CHRDL1: variants seen among roughly 807,000 people sequenced by gnomAD.
CHRDL1 encodes chordin like 1, also known as chordin-like protein 1.
In CHRDL1, 19 loss-of-function variants were observed where a neutral mutation model predicts 40.9. The ratio of observed to expected loss-of-function variants is 0.46; its 90% confidence interval spans 0.32 to 0.68. CHRDL1 has a LOEUF of 0.68. Among genes scored for constraint, CHRDL1 ranks in the 30% least tolerant of loss-of-function variants. The pLI, the probability that CHRDL1 is intolerant of heterozygous loss-of-function variation, is 0.03. For missense variants in CHRDL1, 329 were observed against 352.1 expected (o/e 0.93, Z 0.53); for synonymous variants, 136 against 123.4 (o/e 1.10, Z -0.68).
intron 2 of CHRDL1, among the ~76,000 whole-genome samples, chrX:110,785,626 T>C (rs1349782985): frequency 8.9e-6 from 1 of 112,053 alleles, no homozygotes; most frequent in Non-Finnish European, 1.9e-5. Context: ...TTTTGTAAAC[T>C]AATATGTTTG....
At chrX:110,715,882 G>C (rs2070832170) in intron 6 of CHRDL1, among the ~76,000 whole-genome samples, 1 of 112,292 alleles carries the variant, frequency 8.9e-6, no homozygotes, top group East Asian at 2.8e-4. Flanking sequence ...GACAAGAAAG[G>C]AGGTGAGGAA....
At chrX:110,706,249 A>G (rs1603167053) in intron 6 of CHRDL1, among the ~76,000 whole-genome samples, 1 of 112,039 alleles carries the variant, frequency 8.9e-6, no homozygotes, top group East Asian at 2.8e-4. Context: ...CTTTTTGTAA[A>G]AAACAAAACA....
chrX:110,754,252 T>C (rs1331735952), intron 4 of CHRDL1, among the ~76,000 whole-genome samples: 1 of 112,589 alleles, frequency 8.9e-6, no homozygotes, highest in African/African-American at 3.2e-5. Context: ...AGTCTAGAAG[T>C]CTATATTTAC....
At position 110,691,697 on chromosome X, in the gene CHRDL1, A is replaced by G. The variant is rs148307194; in HGVS notation, c.778+2466T>C. On this transcript the variant is annotated intron_variant, in intron 8 of 11. Coordinates refer to ENST00000372042, the MANE Select transcript of CHRDL1 (RefSeq NM_001143981.2). ...CAAGTCCACTGAGTCACATTAAGAA[A>G]TAAGAATAATGTTAGCTGCCTTTTC... 4.1e-4 allele frequency among the ~76,000 whole-genome samples: 46 copies of G among 112,091 alleles called. No individual in the cohort carries two copies. In the East Asian group the frequency reaches 0.012, roughly 30 times the overall value.
intron 6 of CHRDL1, among the ~76,000 whole-genome samples, chrX:110,710,385 G>C (rs2070726411): frequency 8.9e-6 from 1 of 111,878 alleles, no homozygotes. Flanking sequence ...GCTCTGAAAT[G>C]CTTCACTGGG....
chrX:110,733,857 G>A (rs916651319), intron 4 of CHRDL1, among the ~76,000 whole-genome samples: 4 of 102,954 alleles, frequency 3.9e-5, no homozygotes, highest in Non-Finnish European at 7.8e-5. Context: ...GCATTGAGCC[G>A]AGATTGCACT....
intron 11 of CHRDL1, among the ~76,000 whole-genome samples, chrX:110,678,625 A>G (rs542975625): frequency 1.8e-5 from 2 of 111,691 alleles, no homozygotes; most frequent in South Asian, 7.5e-4. Context: ...TTCTTTGCAG[A>G]TTCCCCTGAG....
chrX:110,794,346 T>C (rs1230516118), intron 1 of CHRDL1, among the ~76,000 whole-genome samples: 2 of 112,083 alleles, frequency 1.8e-5, no homozygotes, highest in Non-Finnish European at 3.8e-5. Flanking sequence ...ACACAGGCTG[T>C]TGTGCCATTG....
intron 4 of CHRDL1, among the ~76,000 whole-genome samples, chrX:110,735,220 A>G (rs931207008): frequency 1.8e-5 from 2 of 111,982 alleles, no homozygotes; most frequent in African/African-American, 3.2e-5. Flanking sequence ...ATGCTCTGTG[A>G]AAACAAAATT....
At chrX:110,733,229 A>G (rs1448417157) in intron 4 of CHRDL1, among the ~76,000 whole-genome samples, 1 of 111,472 alleles carries the variant, frequency 9.0e-6, no homozygotes, top group Non-Finnish European at 1.9e-5. Context: ...GCTTGTGAGT[A>G]AGCACACCCC....
intron 2 of CHRDL1, among the ~76,000 whole-genome samples, chrX:110,789,559 T>C (rs1391943518): frequency 8.9e-6 from 1 of 112,404 alleles, no homozygotes; most frequent in Admixed American, 9.4e-5. Context: ...CTGCAAACCA[T>C]GCAAGCATTA....
At chrX:110,761,567 T>C (rs1187487537) in intron 3 of CHRDL1, among the ~76,000 whole-genome samples, 2 of 111,840 alleles carry the variant, frequency 1.8e-5, no homozygotes, top group Non-Finnish European at 3.8e-5. Context: ...TGATTTTTGC[T>C]CCCCAGGCAA....
At chrX:110,717,353 G>A (rs941710400) in intron 6 of CHRDL1, among the ~76,000 whole-genome samples, 1 of 112,190 alleles carries the variant, frequency 8.9e-6, no homozygotes, top group Non-Finnish European at 1.9e-5. Flanking sequence ...CAGGAACAAT[G>A]CAGTGGGCCC....
chrX:110,773,952 C>T (rs949459731), intron 2 of CHRDL1, among the ~76,000 whole-genome samples: 8 of 110,544 alleles, frequency 7.2e-5, no homozygotes, highest in Non-Finnish European at 1.3e-4. Context: ...CCTGATGGAT[C>T]TATAAATTAC....
At chrX:110,777,704 T>C (rs946223671) in intron 2 of CHRDL1, among the ~76,000 whole-genome samples, 15 of 112,035 alleles carry the variant, frequency 1.3e-4, no homozygotes, top group Non-Finnish European at 2.6e-4. Flanking sequence ...TAGAGCTGTT[T>C]GTGTTCTTAT....
At chrX:110,716,820 GA>G (rs1475590996) in intron 6 of CHRDL1, among the ~76,000 whole-genome samples, 1 of 111,462 alleles carries the variant, frequency 9.0e-6, no homozygotes, top group Admixed American at 9.5e-5. Context: ...TTTCCAGAAA[GA>G]GGAAACATTT....
intron 1 of CHRDL1, among the ~76,000 whole-genome samples, chrX:110,793,493 G>C (rs2090134106): frequency 8.9e-6 from 1 of 112,032 alleles, no homozygotes; most frequent in South Asian, 3.8e-4. Context: ...AAAGACCTGA[G>C]TTCTGATGTC....
At chrX:110,778,829 A>G (rs1425322844) in intron 2 of CHRDL1, among the ~76,000 whole-genome samples, 5 of 111,963 alleles carry the variant, frequency 4.5e-5, no homozygotes, top group African/African-American at 6.5e-5. Flanking sequence ...TATTCACAAT[A>G]CAAAAGACAG....
rs1055322219 is a variant in CHRDL1 at position 110,794,440 on chromosome X, A to G, written c.-35+1304T>C. ...GGATCCAGGACCCAACAAGAAAGCA[A>G]CAACAACAACAAAAAAACAAAACCC... On this transcript the variant is annotated intron_variant, in intron 1 of 11. Coordinates refer to ENST00000372042, the MANE Select transcript of CHRDL1 (RefSeq NM_001143981.2). Among the ~76,000 whole-genome samples, 8 of 112,015 alleles carry G rather than the reference A, an allele frequency of 7.1e-5. No individual in the cohort carries two copies. The East Asian group carries it at 2.0e-3, about 27-fold the overall frequency.
Sources: gnomAD v4.1 joint callset for allele counts (sites outside exome capture counted in the v4.1 genomes callset) on GRCh38, gnomAD v4.1.1 for gene constraint, MANE v1.5 for transcripts, NCBI Gene and HGNC (gene_info 2026-07-23, HGNC 2026-07-21) for gene names.